The following DCAF6 variants were observed in gnomAD, a reference collection of about 807,000 sequenced individuals.
The protein encoded by DCAF6 is DDB1 and CUL4 associated factor 6, also known as DDB1- and CUL4-associated factor 6.
Under a neutral mutation model 125.1 loss-of-function variants are expected in DCAF6, and 54 were observed. The observed-to-expected ratio is 0.43, with a 90% CI of 0.35 to 0.54. The LOEUF is 0.54. DCAF6 is among the 20% of genes least tolerant of loss of function. The pLI is 0.01. For synonymous variants in DCAF6, 371 were observed against 390.4 expected (o/e 0.95, Z 0.58); for missense variants, 934 against 1,161.7 (o/e 0.80, Z 2.85).
At chr1:168,073,533 C>A (rs1693400311) in intron 21 of DCAF6, among the ~76,000 whole-genome samples, 1 of 142,626 alleles carries the variant, frequency 7.0e-6, no homozygotes, top group Non-Finnish European at 1.5e-5. Context: ...TATTGTGTGC[C>A]TCTGAGTGTA....
the DCAF6 span, chr1:167,914,023 T>TAGG: frequency 6.6e-6 from 1 of 152,350 alleles, no homozygotes; most frequent in East Asian, 1.9e-4. Flanking sequence ...AGTTAGGGAC[T>TAGG]AGGTCTTTTA....
rs763301220 is a variant in DCAF6 at position 168,004,681 on chromosome 1, T to C, written c.1266T>C (p.His422=). 2 of 1,613,932 alleles carry C rather than the reference T, an allele frequency of 1.2e-6. No individual in the cohort carries two copies. Among genetic ancestry groups the C allele is most frequent in the African/African-American group, 2.7e-5 (2 of 74,930 alleles). ...STSSTMSAQA[H]STSSPTESPH... ...CCTCTACAATGTCAGCTCAGGCTCA[T>C]TCGACATCATCTCCCACAGAAAGCC... is the stretch of plus-strand genomic sequence containing the variant. Residue 422 remains histidine, a synonymous_variant, in exon 10 of 22, where the codon CAT becomes CAC. Transcript: ENST00000367840.
intron 11 of DCAF6, among the ~76,000 whole-genome samples, chr1:168,017,046 T>C (rs1166125873): frequency 2.0e-5 from 3 of 152,082 alleles, no homozygotes; most frequent in East Asian, 1.9e-4. Context: ...AATATAGATA[T>C]GATGTTTGGG....
chr1:167,978,499 G>A lies in DCAF6; in HGVS notation c.438+3484G>A, dbSNP rs544130675. On this transcript the variant is annotated intron_variant, in intron 4 of 21. Coordinates refer to ENST00000367840, the MANE Select transcript of DCAF6 (RefSeq NM_001198956.2). The stretch of plus-strand genomic sequence containing the variant: ...TCAAATGTTTGTTGGTTATTTGGAT[G>A]TATTCTTAATGAAATGTGTAGTCAA... 5.3e-5 allele frequency among the ~76,000 whole-genome samples: 8 copies of A among 152,224 alleles called. No individual in the cohort carries two copies. In the South Asian group the frequency reaches 1.5e-3, roughly 28 times the overall value.
At chr1:168,057,401 C>T (rs1405432896) in intron 17 of DCAF6, among the ~76,000 whole-genome samples, 1 of 152,086 alleles carries the variant, frequency 6.6e-6, no homozygotes, top group East Asian at 1.9e-4. Flanking sequence ...CTGGAATATG[C>T]AATAGTAAAA....
chr1:167,929,700 C>A, the DCAF6 span, among the ~76,000 whole-genome samples: 1 of 152,132 alleles, frequency 6.6e-6, no homozygotes, highest in African/African-American at 2.4e-5. Context: ...GGCCACCTAT[C>A]GTATATATGA....
chr1:167,877,255 A>G, the DCAF6 span, among the ~76,000 whole-genome samples: 28 of 147,744 alleles, frequency 1.9e-4, no homozygotes, highest in Non-Finnish European at 1.6e-4. Flanking sequence ...TATGGTCAAT[A>G]TTAAGACTGG....
the DCAF6 span, among the ~76,000 whole-genome samples, chr1:167,882,347 T>C: frequency 6.6e-6 from 1 of 151,458 alleles, no homozygotes; most frequent in Non-Finnish European, 1.5e-5. Flanking sequence ...TAGCCAGGTG[T>C]GGTGGCGCAT....
chr1:168,013,678 T>G (rs1263574706), intron 10 of DCAF6, among the ~76,000 whole-genome samples: 1 of 152,124 alleles, frequency 6.6e-6, no homozygotes, highest in Admixed American at 6.6e-5. Context: ...CTCCTTCAGT[T>G]AAACATTCTC....
At chr1:168,000,917 C>T (rs779943551) in intron 7 of DCAF6, among the ~76,000 whole-genome samples, 16 of 151,938 alleles carry the variant, frequency 1.1e-4, no homozygotes, top group Non-Finnish European at 2.4e-4. Context: ...ATAATGATGA[C>T]GGTTGTACCT....
chr1:167,969,659 C>T (rs558428384), intron 3 of DCAF6, among the ~76,000 whole-genome samples: 1 of 152,196 alleles, frequency 6.6e-6, no homozygotes, highest in African/African-American at 2.4e-5. Flanking sequence ...TTTAATGGGT[C>T]GTAGTTTTAT....
chr1:167,948,333 C>T (rs1258106252), intron 1 of DCAF6, among the ~76,000 whole-genome samples: 1 of 151,922 alleles, frequency 6.6e-6, no homozygotes, highest in East Asian at 1.9e-4. Flanking sequence ...TGTCCTGTGC[C>T]AAGGATGAAA....
chr1:167,887,539 C>T, the DCAF6 span, among the ~76,000 whole-genome samples: 1 of 151,944 alleles, frequency 6.6e-6, no homozygotes, highest in Admixed American at 6.6e-5. Context: ...ACACCAGGGC[C>T]TGTCGTGGGC....
chr1:167,966,083 T>A (rs1157782342), intron 2 of DCAF6, among the ~76,000 whole-genome samples: 2 of 152,184 alleles, frequency 1.3e-5, no homozygotes, highest in South Asian at 2.1e-4. Flanking sequence ...ACTCCTTGTG[T>A]TTACCTGTTC....
At chr1:167,941,938 A>T (rs897500265) in intron 1 of DCAF6, among the ~76,000 whole-genome samples, 2 of 152,350 alleles carry the variant, frequency 1.3e-5, no homozygotes, top group East Asian at 3.9e-4. Flanking sequence ...ACCATACTGC[A>T]TTCCCACCAG....
chr1:167,871,222 T>A, the DCAF6 span, among the ~76,000 whole-genome samples: 1 of 152,168 alleles, frequency 6.6e-6, no homozygotes, highest in Non-Finnish European at 1.5e-5. Flanking sequence ...TAAAGGAAAT[T>A]TGCCCTCTGT....
At chr1:168,003,592 G>A (rs902505423) in intron 8 of DCAF6, among the ~76,000 whole-genome samples, 1 of 152,072 alleles carries the variant, frequency 6.6e-6, no homozygotes, top group African/African-American at 2.4e-5. Context: ...GTAGGAAGTG[G>A]GAGGTTTAGT....
the DCAF6 span, among the ~76,000 whole-genome samples, chr1:167,892,627 A>C: frequency 6.6e-6 from 1 of 152,288 alleles, no homozygotes; most frequent in South Asian, 2.1e-4. Context: ...TAAGCTTCAA[A>C]AGCCATGAAG....
chr1:168,003,785 T>G (rs1401735838), intron 8 of DCAF6, 85 bp from the exon 9 acceptor site: 4 of 1,245,028 alleles, frequency 3.2e-6, no homozygotes, highest in Non-Finnish European at 4.4e-6. Flanking sequence ...GCTTTCATTT[T>G]AAAGCCCTTC....
Sources: allele counts gnomAD v4.1 joint callset (sites outside exome capture counted in the v4.1 genomes callset), GRCh38; gene constraint gnomAD v4.1.1; transcripts MANE v1.5; gene names NCBI Gene and HGNC (gene_info 2026-07-23, HGNC 2026-07-21).